SNX9: variants seen among roughly 807,000 people sequenced by gnomAD.
The protein encoded by SNX9 is sorting nexin-9.
In SNX9, 44 loss-of-function variants were observed where a neutral mutation model predicts 89.4. The ratio of observed to expected loss-of-function variants is 0.49; its 90% confidence interval spans 0.39 to 0.63. SNX9 has a LOEUF of 0.63. Ranked by LOEUF, SNX9 falls within the 30% of genes least tolerant of loss-of-function variation. The pLI is 0.00. For missense variants in SNX9, 578 were observed against 736.1 expected, an observed-to-expected ratio of 0.79 and a Z score of 2.49; for synonymous variants, 236 against 247.8, an observed-to-expected ratio of 0.95 and a Z score of 0.45.
rs1782394411 is a variant in SNX9, at chr6:157,870,916, G to A, written c.100-2186G>A. On this transcript the variant is annotated intron_variant, in intron 2 of 17. Transcript: ENST00000392185. ...ACACACCCCTCAGACACACTCACCT[G>A]CTGTCATGCACACGCACACTCGCAT... Among the ~76,000 whole-genome samples, 3 of 152,224 alleles carry A rather than the reference G, an allele frequency of 2.0e-5. No homozygotes were observed. The South Asian group carries it at 6.2e-4, about 32-fold the overall frequency.
At chr6:157,883,561 T>C (rs1782671292) in intron 4 of SNX9, among the ~76,000 whole-genome samples, 1 of 152,232 alleles carries the variant, frequency 6.6e-6, no homozygotes, top group Non-Finnish European at 1.5e-5. Context: ...TGAAGTACTT[T>C]TCCAAGCTCA....
At chr6:157,906,587 A>G (rs1783221896) in intron 7 of SNX9, among the ~76,000 whole-genome samples, 1 of 152,236 alleles carries the variant, frequency 6.6e-6, no homozygotes, top group Non-Finnish European at 1.5e-5. Context: ...TGTTATCAGA[A>G]TAAGGTACCC....
chr6:157,874,338 A>G (rs1299082860), intron 3 of SNX9: 1 of 152,264 alleles, frequency 6.6e-6, no homozygotes, highest in Non-Finnish European at 1.5e-5. Context: ...TTTTACTTGT[A>G]TGCACTTTGC....
intron 1 of SNX9, among the ~76,000 whole-genome samples, chr6:157,838,004 A>G (rs1024463161): frequency 1.3e-5 from 2 of 152,190 alleles, no homozygotes; most frequent in African/African-American, 4.8e-5. Flanking sequence ...AGTATGCTAC[A>G]TTGCTTCCAA....
intron 1 of SNX9, among the ~76,000 whole-genome samples, chr6:157,847,958 C>T (rs1781835503): frequency 6.6e-6 from 1 of 152,204 alleles, no homozygotes; most frequent in East Asian, 1.9e-4. Context: ...GGCCTCCTGC[C>T]ACCTCCCCAC....
At chr6:157,938,252 G>A (rs1179139080) in intron 15 of SNX9, among the ~76,000 whole-genome samples, 1 of 152,194 alleles carries the variant, frequency 6.6e-6, no homozygotes, top group Non-Finnish European at 1.5e-5. Context: ...AAAAGAGAGA[G>A]AGTGCCTGTG....
intron 12 of SNX9, among the ~76,000 whole-genome samples, chr6:157,931,031 G>T (rs886542944): frequency 6.6e-6 from 1 of 152,228 alleles, no homozygotes; most frequent in Non-Finnish European, 1.5e-5. Context: ...CATGTCCTGT[G>T]TAATTCACAA....
At chr6:157,916,751 G>C (rs1250849516) in intron 9 of SNX9, among the ~76,000 whole-genome samples, 1 of 152,180 alleles carries the variant, frequency 6.6e-6, no homozygotes, top group East Asian at 1.9e-4. Flanking sequence ...TGCTGAACCA[G>C]CCTTACATGC....
At chr6:157,913,087 G>A (rs537291082) in intron 9 of SNX9, among the ~76,000 whole-genome samples, 3 of 152,248 alleles carry the variant, frequency 2.0e-5, no homozygotes, top group Non-Finnish European at 4.4e-5. Flanking sequence ...GGAGTTCATC[G>A]TATCCCAGGT....
At chr6:157,893,241 C>A (rs1782901227) in intron 4 of SNX9, among the ~76,000 whole-genome samples, 1 of 152,220 alleles carries the variant, frequency 6.6e-6, no homozygotes, top group South Asian at 2.1e-4. Flanking sequence ...CTGGGGTCAT[C>A]TGAGAGTCCA....
At chr6:157,837,111 A>G (rs1186136835) in intron 1 of SNX9, among the ~76,000 whole-genome samples, 4 of 152,218 alleles carry the variant, frequency 2.6e-5, no homozygotes, top group Non-Finnish European at 5.9e-5. Flanking sequence ...TATTTTATCT[A>G]ACTGGGTTCA....
chr6:157,939,434 A>T (rs897789015), intron 16 of SNX9, among the ~76,000 whole-genome samples: 1 of 152,196 alleles, frequency 6.6e-6, no homozygotes, highest in Non-Finnish European at 1.5e-5. Flanking sequence ...AGTAAAAAAA[A>T]ATCAATCCTC....
chr6:157,937,800 T>C (rs1783956813), intron 15 of SNX9, among the ~76,000 whole-genome samples: 1 of 152,244 alleles, frequency 6.6e-6, no homozygotes, highest in Non-Finnish European at 1.5e-5. Context: ...TCGTATATTA[T>C]GATGTACTTG....
In SNX9 at chr6:157,873,232, A is replaced by G. The variant is rs957486658; in HGVS notation, c.174+56A>G. On this transcript the variant is annotated intron_variant, in intron 3 of 17. Transcript: ENST00000392185. ...GCTCATCTTTGCCAGGCATCTTTTT[A>G]TGAATTATCAACTTACAAGAAGTCA... The G allele has an allele frequency of 7.8e-6, 11 of 1,413,974 alleles. No homozygotes were observed. The African/African-American group carries it at 1.6e-4, about 20-fold the overall frequency. 87.6% of individuals were successfully genotyped at this position (1,413,974 alleles called of 1,614,324 possible).
intron 11 of SNX9, 39 bp downstream of exon 11, chr6:157,927,253 C>T (rs1403737553): frequency 2.1e-6 from 3 of 1,420,758 alleles, no homozygotes; most frequent in African/African-American, 1.4e-5. Context: ...TCTCAATCCG[C>T]ACCCTCCTCC....
intron 1 of SNX9, among the ~76,000 whole-genome samples, chr6:157,860,914 T>A (rs1782108068): frequency 6.6e-6 from 1 of 152,244 alleles, no homozygotes; most frequent in Non-Finnish European, 1.5e-5. Flanking sequence ...TTTGTAATTC[T>A]ACTCAGGGAA....
chr6:157,861,166 TTTC>T, intron 1 of SNX9, among the ~76,000 whole-genome samples: 1 of 152,354 alleles, frequency 6.6e-6, no homozygotes, highest in Non-Finnish European at 1.5e-5. Context: ...TTTTTAGAAA[TTTC>T]TTCTGTTTGG....
intron 2 of SNX9, among the ~76,000 whole-genome samples, chr6:157,870,860 A>G (rs891609374): frequency 1.4e-5 from 2 of 147,070 alleles, no homozygotes; most frequent in African/African-American, 5.1e-5. Flanking sequence ...CTGCTCTCAC[A>G]CAGATGCAGC....
intron 10 of SNX9, among the ~76,000 whole-genome samples, chr6:157,923,735 G>C (rs1317058614): frequency 1.3e-5 from 2 of 152,166 alleles, no homozygotes; most frequent in East Asian, 3.9e-4. Context: ...CATGGCATTG[G>C]CATAAGGCTA....
Sources: allele counts gnomAD v4.1 joint callset (sites outside exome capture counted in the v4.1 genomes callset), GRCh38; gene constraint gnomAD v4.1.1; transcripts MANE v1.5; gene names NCBI Gene and HGNC (gene_info 2026-07-23, HGNC 2026-07-21).